The following APC variants were observed in gnomAD, a reference collection of about 807,000 sequenced individuals.
APC encodes APC regulator of Wnt signaling pathway, also known as adenomatous polyposis coli protein.
APC carries 72 observed loss-of-function variants against 247.0 expected under a neutral mutation model. The observed-to-expected ratio is 0.29, with a 90% CI of 0.24 to 0.35. The LOEUF (loss-of-function observed/expected upper bound fraction) is 0.35, where lower values mean the gene tolerates loss of function less well. APC is among the 10% of genes least tolerant of loss of function. The pLI is 1.00. For missense variants in APC, 3,400 were observed against 3,360.7 expected (o/e 1.01, Z -0.29); for synonymous variants, 1,254 against 1,162.5 (o/e 1.08, Z -1.60).
At chr5:112,828,167 G>A (rs762560171) in intron 13 of APC, among the ~76,000 whole-genome samples, 161 bp downstream of exon 13, 2 of 152,066 alleles carry the variant, frequency 1.3e-5, no homozygotes, top group African/African-American at 4.8e-5. Context: ...TCTCGAGGCT[G>A]GGCCTACAGG....
At chr5:112,726,964 AT>A in intron 1 of APC, among the ~76,000 whole-genome samples, 1 of 152,302 alleles carries the variant, frequency 6.6e-6, no homozygotes, top group Admixed American at 6.5e-5. Flanking sequence ...TTAAATAGGC[AT>A]TATGAACGCC....
In APC at chr5:112,838,290, C is replaced by A. The variant is rs864622670; in HGVS notation, c.2696C>A (p.Thr899Asn). ...KVMEEVSAIH[T>N]SQEDRSSGST... ...ATGGAAGAAGTGTCAGCCATTCATA[C>A]CTCTCAGGAAGACAGAAGTTCTGGG... Residue 899 changes from threonine (T) to asparagine (N), a missense_variant, in exon 16 of 16, where the codon ACC (threonine) becomes AAC (asparagine). Thr to Asn is a moderately conservative substitution (Grantham distance 65). Coordinates refer to ENST00000257430, the MANE Select transcript of APC (RefSeq NM_000038.6). 1 of 1,614,206 alleles carries A rather than the reference C, an allele frequency of 6.2e-7. No individual in the cohort carries two copies. Among genetic ancestry groups the A allele is most frequent in the Non-Finnish European group, 8.5e-7 (1 of 1,180,050 alleles).
At chr5:112,766,578 T>C (rs951100174) in intron 3 of APC, among the ~76,000 whole-genome samples, 168 bp downstream of exon 3, 1 of 152,142 alleles carries the variant, frequency 6.6e-6, no homozygotes. Flanking sequence ...AAATAAAAAA[T>C]GTATTTGTGT....
intron 1 of APC, among the ~76,000 whole-genome samples, chr5:112,711,672 G>C (rs568237717): frequency 3.3e-4 from 51 of 152,310 alleles, no homozygotes; most frequent in African/African-American, 1.2e-3. Context: ...AGTGAGCTAT[G>C]ATTGGGCCAC....
At chr5:112,732,477 A>T (rs1752146865) in intron 1 of APC, among the ~76,000 whole-genome samples, 1 of 152,222 alleles carries the variant, frequency 6.6e-6, no homozygotes, top group Non-Finnish European at 1.5e-5. Flanking sequence ...TTTAACTTAG[A>T]ATATTCCGTT....
intron 1 of APC, among the ~76,000 whole-genome samples, chr5:112,708,558 C>T (rs902361898): frequency 1.3e-5 from 2 of 152,054 alleles, no homozygotes; most frequent in African/African-American, 4.8e-5. Flanking sequence ...CTGTTATATT[C>T]GTTTTAAAAA....
chr5:112,800,841 A>G (rs1361888388), intron 7 of APC, among the ~76,000 whole-genome samples: 1 of 152,060 alleles, frequency 6.6e-6, no homozygotes, highest in Non-Finnish European at 1.5e-5. Context: ...ACATATATAT[A>G]TATATATTCT....
chr5:112,717,338 C>T (rs1290039206), intron 1 of APC, among the ~76,000 whole-genome samples: 3 of 152,046 alleles, frequency 2.0e-5, no homozygotes, highest in Admixed American at 2.0e-4. Context: ...TATTTTTTCT[C>T]TTTCTTCCTC....
chr5:112,839,245 T>C lies in APC; in HGVS notation c.3651T>C (p.Asn1217=), dbSNP rs2149896320. The C allele has an allele frequency of 1.2e-6, 2 of 1,614,182 alleles. No homozygotes were observed. The highest frequency in any genetic ancestry group is 1.7e-6 in the Non-Finnish European group (2 of 1,180,028). Residue 1217 remains asparagine (N), a synonymous_variant, in exon 16 of 16, where the codon AAT becomes AAC. Coordinates refer to ENST00000257430, the MANE Select transcript of APC (RefSeq NM_000038.6). The surrounding 1 kb of genome is among the most constrained non-coding windows in gnomAD (Gnocchi z 5.0). ...KTEHMSSSSE[N]TSTPSSNAKR... ...AACATATGTCTTCAAGCAGTGAGAA[T>C]ACGTCCACACCTTCATCTAATGCCA...
intron 4 of APC, among the ~76,000 whole-genome samples, chr5:112,773,051 G>GA (rs934762441): frequency 1.3e-5 from 2 of 152,164 alleles, no homozygotes; most frequent in African/African-American, 4.8e-5. Context: ...AAATCGGAGG[G>GA]AGAGAGCAGC....
At chr5:112,781,561 A>C (rs1165341053) in intron 6 of APC, among the ~76,000 whole-genome samples, 1 of 152,156 alleles carries the variant, frequency 6.6e-6, no homozygotes, top group Non-Finnish European at 1.5e-5. Context: ...TTTTGGGACA[A>C]ATTGGGAGGA....
intron 1 of APC, among the ~76,000 whole-genome samples, chr5:112,714,877 G>A (rs1356311616): frequency 6.6e-6 from 1 of 152,082 alleles, no homozygotes; most frequent in Non-Finnish European, 1.5e-5. Context: ...ATACTGTCTG[G>A]CATAGTAGTG....
rs773941688 is a variant in APC, at chr5:112,707,823, C to A, written c.106C>A (p.Gln36Lys). 1.5e-6 allele frequency: 2 copies of A among 1,370,580 alleles called. No individual in the cohort carries two copies. Among genetic ancestry groups the A allele is most frequent in the South Asian group, 2.4e-5 (2 of 81,726 alleles). 84.9% of individuals were successfully genotyped at this position (1,370,580 alleles called of 1,614,324 possible). ...CGGCGGCAGCAGGAGCTGCGTCCGG[C>A]AGGAGACGAAGAGCCCGGGCGGCGC... The change falls in exon 1 of 14, where the codon CAG (glutamine) becomes AAG (lysine). Residue 36 changes from glutamine to lysine, a missense_variant. By Grantham distance (53) the Gln-to-Lys change is moderately conservative. Transcript: ENST00000507379.
intron 8 of APC, among the ~76,000 whole-genome samples, chr5:112,803,385 G>A (rs890333321): frequency 6.6e-6 from 1 of 152,128 alleles, no homozygotes; most frequent in African/African-American, 2.4e-5. Flanking sequence ...GACATTGATC[G>A]TAAAATGGTT....
chr5:112,788,056 C>T (rs1008387329), intron 6 of APC, among the ~76,000 whole-genome samples: 23 of 152,086 alleles, frequency 1.5e-4, no homozygotes, highest in African/African-American at 5.6e-4. Context: ...GGATACCGCA[C>T]TAGTTCCTCA....
At chr5:112,802,498 G>T (rs1211412069) in intron 8 of APC, among the ~76,000 whole-genome samples, 2 of 152,052 alleles carry the variant, frequency 1.3e-5, no homozygotes, top group Non-Finnish European at 2.9e-5. Flanking sequence ...CATAGGAATA[G>T]ATCTACTCGT....
chr5:112,718,102 C>G (rs1751285430), intron 1 of APC, among the ~76,000 whole-genome samples: 1 of 150,880 alleles, frequency 6.6e-6, no homozygotes, highest in Non-Finnish European at 1.5e-5. Flanking sequence ...CTTTTCAAAA[C>G]TGTATCACTT....
At chr5:112,725,452 G>A (rs186855401) in intron 1 of APC, among the ~76,000 whole-genome samples, 6 of 152,010 alleles carry the variant, frequency 3.9e-5, no homozygotes, top group Non-Finnish European at 8.8e-5. Context: ...AAACAAAACA[G>A]TTTCAAAAGG....
intron 11 of APC, among the ~76,000 whole-genome samples, chr5:112,826,062 C>G (rs993951948): frequency 6.6e-6 from 1 of 152,136 alleles, no homozygotes; most frequent in Non-Finnish European, 1.5e-5. Flanking sequence ...CATTTAAATC[C>G]CTTGGCTTGG....
Sources: gnomAD v4.1 joint callset for allele counts (sites outside exome capture counted in the v4.1 genomes callset) on GRCh38, gnomAD v4.1.1 for gene constraint, Gnocchi (gnomAD v3.1) non-coding constraint, MANE v1.5 for transcripts, NCBI Gene and HGNC (gene_info 2026-07-23, HGNC 2026-07-21) for gene names.